Variants in PCDH15 observed in about 807,000 individuals in gnomAD.
The protein encoded by PCDH15 is protocadherin-15.
A neutral mutation model predicts 178.5 loss-of-function variants in PCDH15; 129 were observed. That is an observed-to-expected ratio of 0.72 (90% CI 0.63 to 0.84). PCDH15 has a LOEUF of 0.84. Ranked by LOEUF, PCDH15 falls within the 40% of genes least tolerant of loss-of-function variation. PCDH15 has a pLI of 0.00. For missense variants in PCDH15, 2,230 were observed against 2,099.9 expected, an observed-to-expected ratio of 1.06 and a Z score of -1.21; for synonymous variants, 800 against 732.0, an observed-to-expected ratio of 1.09 and a Z score of -1.50.
intron 25 of PCDH15, among the ~76,000 whole-genome samples, chr10:53,914,230 G>C (rs1346032357): frequency 1.3e-5 from 2 of 152,174 alleles, no homozygotes; most frequent in Admixed American, 6.5e-5. Context: ...TCTAGAGCTA[G>C]AAATACCATT....
chr10:55,013,592 C>T (rs1807945117), intron 2 of PCDH15, among the ~76,000 whole-genome samples: 1 of 152,086 alleles, frequency 6.6e-6, no homozygotes, highest in South Asian at 2.1e-4. Flanking sequence ...ACTCAGTGAT[C>T]CTATAAATAA....
In PCDH15 at chr10:54,800,983, A is replaced by T. The variant is rs545400460; in HGVS notation, c.-87T>A. 6.6e-6 allele frequency: 1 copy of T among 152,196 alleles called. No homozygotes were observed. 9.4% of individuals were successfully genotyped at this position (152,196 alleles called of 1,614,324 possible). A position where few individuals can be genotyped will look rare whatever the true frequency, so the allele number is the denominator to read the frequency against. ...AGATTATGCAGCAAGTTTTCTTGCC[A>T]AGGCTGCCTCTTGCACATCCCTTTA... is the stretch of plus-strand genomic sequence containing the variant. On this transcript the variant is annotated 5_prime_UTR_variant, in exon 1 of 38. Transcript: ENST00000644397.
At chr10:53,848,819 G>A (rs1313477125) in intron 28 of PCDH15, among the ~76,000 whole-genome samples, 1 of 151,704 alleles carries the variant, frequency 6.6e-6, no homozygotes, top group African/African-American at 2.4e-5. Flanking sequence ...TGTATCTTTC[G>A]ATCATGCTAT....
At chr10:53,885,817 G>A (rs948882727) in intron 26 of PCDH15, among the ~76,000 whole-genome samples, 1 of 152,000 alleles carries the variant, frequency 6.6e-6, no homozygotes, top group Non-Finnish European at 1.5e-5. Flanking sequence ...ATACACTAAG[G>A]TGTATCTCAA....
intron 13 of PCDH15, among the ~76,000 whole-genome samples, chr10:54,168,730 C>T (rs913320983): frequency 1.8e-4 from 27 of 152,200 alleles, no homozygotes; most frequent in African/African-American, 6.5e-4. Flanking sequence ...CCCTGAGACA[C>T]TTTACAGCCC....
intron 1 of PCDH15, among the ~76,000 whole-genome samples, chr10:54,750,497 A>G (rs1248839269): frequency 2.0e-5 from 3 of 152,104 alleles, no homozygotes; most frequent in Admixed American, 6.5e-5. Flanking sequence ...ATCAAATCAT[A>G]AAGAATTTAA....
intron 18 of PCDH15, among the ~76,000 whole-genome samples, chr10:54,037,387 A>T (rs1472304676): frequency 6.6e-6 from 1 of 151,896 alleles, no homozygotes; most frequent in Admixed American, 6.6e-5. Context: ...CAGCCATCCC[A>T]ACTTCAGCAA....
At position 55,274,356 on chromosome 10, in the gene PCDH15, A is replaced by C. The variant is rs1457315664; in HGVS notation, c.-156+45243T>G. 3.9e-5 allele frequency among the ~76,000 whole-genome samples: 6 copies of C among 152,196 alleles called. No homozygotes were observed. In the East Asian group the frequency reaches 1.2e-3, roughly 29 times the overall value. On this transcript the variant is annotated intron_variant, in intron 1 of 5. Transcript: ENST00000458638. ...GTTTATTTGTTTGTTTGTTTTGGTC[A>C]TTAAAGCATACTCTCCCTACACATT... is the stretch of plus-strand genomic sequence containing the variant.
chr10:55,004,309 G>A (rs919909469), intron 2 of PCDH15, among the ~76,000 whole-genome samples: 1 of 152,114 alleles, frequency 6.6e-6, no homozygotes, highest in South Asian at 2.1e-4. Flanking sequence ...TCTCACGATT[G>A]AGAAATTGGT....
At chr10:54,664,094 T>C in intron 2 of PCDH15, 78 bp downstream of exon 2, 1 of 1,049,010 alleles carries the variant, frequency 9.5e-7, no homozygotes, top group Non-Finnish European at 1.5e-6. Flanking sequence ...ATTAGCATTA[T>C]TCATCTCTGT....
intron 2 of PCDH15, among the ~76,000 whole-genome samples, chr10:54,627,284 G>A (rs1032294381): frequency 3.3e-5 from 5 of 152,062 alleles, no homozygotes; most frequent in Admixed American, 6.6e-5. Context: ...TTTGGGAAGT[G>A]GAATGGTATG....
intron 2 of PCDH15, among the ~76,000 whole-genome samples, chr10:54,563,107 A>T (rs74136212): frequency 0.058 from 8,844 of 152,216 alleles, 307 homozygotes; most frequent in South Asian, 0.099. Context: ...TAAAGGAAAT[A>T]AAAAAAGTGC....
At chr10:53,938,052 G>T (rs2085729061) in intron 25 of PCDH15, among the ~76,000 whole-genome samples, 1 of 152,082 alleles carries the variant, frequency 6.6e-6, no homozygotes, top group East Asian at 1.9e-4. Context: ...AAATGCAAAA[G>T]AGTATTACCT....
chr10:55,600,417 A>C (rs529800112), intron 2 of PCDH15, among the ~76,000 whole-genome samples: 3 of 152,100 alleles, frequency 2.0e-5, no homozygotes, highest in African/African-American at 7.2e-5. Context: ...AACCTCCGAA[A>C]CGACTTAAAC....
intron 3 of PCDH15, among the ~76,000 whole-genome samples, chr10:54,815,416 A>G: frequency 6.6e-6 from 1 of 152,064 alleles, no homozygotes; most frequent in East Asian, 1.9e-4. Context: ...ACTGCATAAC[A>G]TTTACTGCAT....
chr10:53,948,136 C>T (rs2166620), intron 23 of PCDH15, among the ~76,000 whole-genome samples: 102,013 of 151,856 alleles, frequency 0.67, 34,776 homozygotes, highest in East Asian at 0.87. Flanking sequence ...GGACTTACAA[C>T]GGGGTTAGGT....
At chr10:54,891,181 G>T (rs1449281477) in intron 3 of PCDH15, among the ~76,000 whole-genome samples, 1 of 152,066 alleles carries the variant, frequency 6.6e-6, no homozygotes, top group Non-Finnish European at 1.5e-5. Flanking sequence ...TCTTTTGGGT[G>T]CCAGACCATC....
intron 3 of PCDH15, among the ~76,000 whole-genome samples, chr10:54,393,495 A>G (rs1252504860): frequency 1.3e-5 from 2 of 152,182 alleles, no homozygotes; most frequent in African/African-American, 4.8e-5. Context: ...TATAGAACAC[A>G]AGTATTGGAA....
At chr10:54,054,075 G>A (rs1479782083) in intron 18 of PCDH15, among the ~76,000 whole-genome samples, 1 of 152,056 alleles carries the variant, frequency 6.6e-6, no homozygotes, top group Non-Finnish European at 1.5e-5. Flanking sequence ...AATTCAGAAG[G>A]AGCCCTTTCT....
Sources: allele counts gnomAD v4.1 joint callset (sites outside exome capture counted in the v4.1 genomes callset), GRCh38; gene constraint gnomAD v4.1.1; transcripts MANE v1.5; gene names NCBI Gene and HGNC (gene_info 2026-07-23, HGNC 2026-07-21).